The following DPP10 variants were observed in gnomAD, a reference collection of about 807,000 sequenced individuals.
DPP10 encodes inactive dipeptidyl peptidase 10.
In DPP10, 33 loss-of-function variants were observed where a neutral mutation model predicts 120.9. That is an observed-to-expected ratio of 0.27 (90% CI 0.21 to 0.37). The LOEUF (loss-of-function observed/expected upper bound fraction) is 0.37, where lower values mean the gene tolerates loss of function less well. Among genes scored for constraint, DPP10 ranks in the 10% least tolerant of loss-of-function variants. The pLI, the probability that DPP10 is intolerant of heterozygous loss-of-function variation, is 1.00. For synonymous variants in DPP10, 337 were observed against 326.1 expected (o/e 1.03, Z -0.36); for missense variants, 816 against 942.8 (o/e 0.87, Z 1.76).
intron 1 of DPP10, among the ~76,000 whole-genome samples, chr2:115,296,261 C>T (rs952234170): frequency 9.2e-5 from 14 of 151,988 alleles, no homozygotes; most frequent in African/African-American, 2.9e-4. Flanking sequence ...CCCAGATGCT[C>T]GGCGGCCTCT....
intron 1 of DPP10, among the ~76,000 whole-genome samples, chr2:114,820,467 C>T (rs1378137286): frequency 3.3e-5 from 5 of 152,276 alleles, no homozygotes; most frequent in East Asian, 1.9e-4. Context: ...GCAGTAAATA[C>T]CTGTAAACAT....
chr2:114,888,434 A>G (rs915650504), intron 1 of DPP10, among the ~76,000 whole-genome samples: 1 of 152,202 alleles, frequency 6.6e-6, no homozygotes, highest in Non-Finnish European at 1.5e-5. Context: ...CTCAAAAAAA[A>G]GTTCACGAAT....
intron 1 of DPP10, among the ~76,000 whole-genome samples, chr2:114,994,912 A>G (rs769801825): frequency 2.0e-5 from 3 of 152,216 alleles, no homozygotes; most frequent in East Asian, 1.9e-4. Flanking sequence ...ATTTCTGCAT[A>G]GAATTTTTGT....
chr2:115,200,576 C>T (rs921239709), intron 1 of DPP10, among the ~76,000 whole-genome samples: 8 of 152,162 alleles, frequency 5.3e-5, no homozygotes, highest in African/African-American at 1.9e-4. Context: ...TAGTATTTCC[C>T]TAAGCAGGCA....
chr2:115,330,478 C>T (rs1445698840), intron 2 of DPP10, among the ~76,000 whole-genome samples: 1 of 151,756 alleles, frequency 6.6e-6, no homozygotes, highest in Non-Finnish European at 1.5e-5. Context: ...GTTGCCATTG[C>T]TTTTGGTGTT....
At position 114,480,292 on chromosome 2, in the gene DPP10, G is replaced by T. The variant is rs558265588; in HGVS notation, c.60+37454G>T. 2.7e-3 allele frequency among the ~76,000 whole-genome samples: 413 copies of T among 152,076 alleles called. 1 individual carries two copies. The highest frequency in any genetic ancestry group is 9.8e-3 in the African/African-American group (405 of 41,404). ...ACTAGTTCAACCCTTGTGGAAGTCA[G>T]TGTGGTGATTCCTCAGGGATCTAGA... On this transcript the variant is annotated intron_variant, in intron 1 of 25. Coordinates refer to ENST00000410059, the MANE Select transcript of DPP10 (RefSeq NM_020868.6).
At chr2:114,820,320 T>G (rs1216339347) in intron 1 of DPP10, among the ~76,000 whole-genome samples, 1 of 152,168 alleles carries the variant, frequency 6.6e-6, no homozygotes, top group East Asian at 1.9e-4. Flanking sequence ...CAGTACTATA[T>G]GATATCAACA....
At chr2:114,896,113 A>G (rs1259142887) in intron 1 of DPP10, among the ~76,000 whole-genome samples, 1 of 152,180 alleles carries the variant, frequency 6.6e-6, no homozygotes, top group Non-Finnish European at 1.5e-5. Context: ...TGGTAACAGT[A>G]CCATGCTGTT....
intron 19 of DPP10, among the ~76,000 whole-genome samples, chr2:115,811,071 T>C (rs999599737): frequency 6.6e-6 from 1 of 152,210 alleles, no homozygotes; most frequent in Non-Finnish European, 1.5e-5. Context: ...TATTTTCTGC[T>C]CAACACTTTG....
intron 1 of DPP10, among the ~76,000 whole-genome samples, chr2:115,063,038 C>A (rs1218947909): frequency 6.6e-6 from 1 of 152,154 alleles, no homozygotes; most frequent in African/African-American, 2.4e-5. Flanking sequence ...TGGTCCACAA[C>A]CTCCCCAGCA....
chr2:114,460,193 CTATCT>C (rs1023595504), intron 1 of DPP10, among the ~76,000 whole-genome samples: 1 of 151,632 alleles, frequency 6.6e-6, no homozygotes, highest in African/African-American at 2.4e-5. Flanking sequence ...ATCTATCTAT[CTATCT>C]ATCTATCTAT....
chr2:115,571,818 AT>A (rs1008369729), intron 5 of DPP10, among the ~76,000 whole-genome samples: 1 of 150,574 alleles, frequency 6.6e-6, no homozygotes, highest in African/African-American at 2.5e-5. Flanking sequence ...TCCCTGAAGC[AT>A]TTTTATTATA....
intron 4 of DPP10, among the ~76,000 whole-genome samples, chr2:115,505,122 CAAT>C (rs1285320300): frequency 6.6e-6 from 1 of 151,934 alleles, no homozygotes; most frequent in Non-Finnish European, 1.5e-5. Context: ...ATTTTATTGT[CAAT>C]AATCATAGTG....
chr2:115,386,610 T>A (rs552410937), intron 3 of DPP10, among the ~76,000 whole-genome samples: 3 of 152,336 alleles, frequency 2.0e-5, no homozygotes, highest in Admixed American at 1.3e-4. Flanking sequence ...ATTCCTCTGC[T>A]GCTATCTCAA....
intron 1 of DPP10, among the ~76,000 whole-genome samples, chr2:114,871,930 G>T (rs977436474): frequency 6.6e-6 from 1 of 152,186 alleles, no homozygotes; most frequent in Non-Finnish European, 1.5e-5. Flanking sequence ...TATGAACTGT[G>T]CATGTGAAGG....
intron 19 of DPP10, among the ~76,000 whole-genome samples, chr2:115,792,688 C>T (rs1020010920): frequency 6.6e-6 from 1 of 151,806 alleles, no homozygotes; most frequent in African/African-American, 2.4e-5. Context: ...GTATGATTTA[C>T]TGAGGAAAAA....
At chr2:115,360,474 GT>G (rs2064692872) in intron 3 of DPP10, among the ~76,000 whole-genome samples, 1 of 152,116 alleles carries the variant, frequency 6.6e-6, no homozygotes, top group East Asian at 1.9e-4. Flanking sequence ...TTCAGACTGC[GT>G]TCCATTAGAT....
chr2:115,080,296 G>T (rs940388102), intron 1 of DPP10, among the ~76,000 whole-genome samples: 5 of 152,172 alleles, frequency 3.3e-5, no homozygotes, highest in Non-Finnish European at 5.9e-5. Flanking sequence ...GGGATTACAG[G>T]CATGATCCAC....
chr2:115,101,584 C>A (rs1266703299), intron 1 of DPP10, among the ~76,000 whole-genome samples: 1 of 152,210 alleles, frequency 6.6e-6, no homozygotes, highest in Non-Finnish European at 1.5e-5. Context: ...CTAGTTTTCA[C>A]TGAAAACAGG....
Sources: allele counts gnomAD v4.1 joint callset (sites outside exome capture counted in the v4.1 genomes callset), GRCh38; gene constraint gnomAD v4.1.1; transcripts MANE v1.5; gene names NCBI Gene and HGNC (gene_info 2026-07-23, HGNC 2026-07-21).